The following GALNT13 variants were observed in gnomAD, a reference collection of about 807,000 sequenced individuals.
GALNT13 encodes UDP-GalNAc:polypeptide N-acetylgalactosaminyltransferase 13.
Under a neutral mutation model 64.2 loss-of-function variants are expected in GALNT13, and 28 were observed. That is an observed-to-expected ratio of 0.44 (90% CI 0.32 to 0.60). GALNT13 has a LOEUF of 0.60. GALNT13 is among the 20% of genes least tolerant of loss of function. The pLI, the probability that GALNT13 is intolerant of heterozygous loss-of-function variation, is 0.05. For synonymous variants in GALNT13, 214 were observed against 224.6 expected (o/e 0.95, Z 0.42); for missense variants, 577 against 669.8 (o/e 0.86, Z 1.53).
chr2:153,534,108 C>T, the GALNT13 span, among the ~76,000 whole-genome samples: 1 of 152,016 alleles, frequency 6.6e-6, no homozygotes, highest in Non-Finnish European at 1.5e-5. Context: ...CCTTTAGAAC[C>T]CTTAGCATAT....
At chr2:153,751,884 C>T in the GALNT13 span, among the ~76,000 whole-genome samples, 242 of 148,940 alleles carry the variant, frequency 1.6e-3, 1 homozygote, top group South Asian at 0.015. Context: ...ATTTGTTTTC[C>T]GGTTGACATG....
chr2:153,177,120 A>G, the GALNT13 span, among the ~76,000 whole-genome samples: 8 of 133,772 alleles, frequency 6.0e-5, no homozygotes, highest in African/African-American at 2.3e-4. Context: ...ATACAATAAA[A>G]TTACCTTGTA....
At chr2:153,290,008 A>G in the GALNT13 span, among the ~76,000 whole-genome samples, 1 of 152,198 alleles carries the variant, frequency 6.6e-6, no homozygotes, top group African/African-American at 2.4e-5. Flanking sequence ...TTACTTCTGC[A>G]AAGCTCAGTT....
the GALNT13 span, among the ~76,000 whole-genome samples, chr2:153,795,089 G>T: frequency 8.5e-5 from 13 of 152,312 alleles, no homozygotes; most frequent in Admixed American, 8.5e-4. Context: ...GAGGGTGGTT[G>T]TGAGTGCCCC....
In GALNT13 at chr2:153,935,449, A is replaced by G. The variant is rs556443859; in HGVS notation, c.-104-8945A>G. On this transcript the variant is annotated intron_variant, in intron 2 of 12. Transcript: ENST00000392825. ...ACATTGGTCTGATTAAGCATGTGTCATGTCACTGAAGAGTTGTAGCCTGGA... is the reference window on the plus strand; with the variant it reads ...ACATTGGTCTGATTAAGCATGTGTCGTGTCACTGAAGAGTTGTAGCCTGGA... Among the ~76,000 whole-genome samples the G allele has an allele frequency of 5.0e-4, 76 of 152,338 alleles. 1 individual carries two copies. The South Asian group carries it at 9.3e-3, about 19-fold the overall frequency.
At chr2:154,036,913 A>G (rs1304862984) in intron 3 of GALNT13, among the ~76,000 whole-genome samples, 1 of 152,162 alleles carries the variant, frequency 6.6e-6, no homozygotes, top group Non-Finnish European at 1.5e-5. Flanking sequence ...TATTTAAAAA[A>G]AATCTCCCCA....
At chr2:153,739,536 T>A in the GALNT13 span, among the ~76,000 whole-genome samples, 1 of 144,560 alleles carries the variant, frequency 6.9e-6, no homozygotes, top group Admixed American at 7.1e-5. Flanking sequence ...TATTATTTTT[T>A]AATGTATTTA....
the GALNT13 span, among the ~76,000 whole-genome samples, chr2:153,234,130 T>C: frequency 1.3e-5 from 2 of 152,192 alleles, no homozygotes; most frequent in Non-Finnish European, 2.9e-5. Flanking sequence ...ATGTCATTGA[T>C]TAAATTGCCT....
the GALNT13 span, among the ~76,000 whole-genome samples, chr2:153,149,204 T>C: frequency 4.6e-5 from 7 of 151,908 alleles, no homozygotes; most frequent in South Asian, 2.1e-4. Flanking sequence ...AATCATCACA[T>C]CAGCCCAGCA....
upstream of GALNT13, among the ~76,000 whole-genome samples, chr2:153,868,022 C>G (rs1009259948): frequency 6.6e-6 from 1 of 152,156 alleles, no homozygotes; most frequent in Non-Finnish European, 1.5e-5. Context: ...TGGGTTAGGA[C>G]ATACCTCAGC....
the GALNT13 span, among the ~76,000 whole-genome samples, chr2:153,311,858 G>T: frequency 2.0e-5 from 3 of 152,328 alleles, no homozygotes; most frequent in African/African-American, 7.2e-5. Flanking sequence ...GGGGGACCAT[G>T]TGACTACCAG....
chr2:154,080,359 G>T lies in GALNT13; in HGVS notation c.143-59978G>T, dbSNP rs75000193. Among the ~76,000 whole-genome samples, 1,130 of 151,664 alleles carry T rather than the reference G, an allele frequency of 7.5e-3. 6 individuals are homozygous for T. Among genetic ancestry groups the T allele is most frequent in the Middle Eastern group, 0.02 (6 of 294 alleles). On this transcript the variant is annotated intron_variant, in intron 3 of 12. Coordinates refer to ENST00000392825, the MANE Select transcript of GALNT13 (RefSeq NM_052917.4). ...AAGAAGGATTAAGTATTACCTTCAG[G>T]ACCAAAGAGTGGAAGTATTTTCTTT... is the stretch of plus-strand genomic sequence containing the variant.
chr2:153,531,639 T>C, the GALNT13 span, among the ~76,000 whole-genome samples: 1 of 152,130 alleles, frequency 6.6e-6, no homozygotes, highest in Non-Finnish European at 1.5e-5. Context: ...AACTCAAAAG[T>C]CCACAGTCCA....
At chr2:153,444,179 A>G in the GALNT13 span, among the ~76,000 whole-genome samples, 2 of 152,012 alleles carry the variant, frequency 1.3e-5, no homozygotes, top group African/African-American at 2.4e-5. Context: ...TTATCCATCC[A>G]TCCACTCACC....
At chr2:153,480,250 T>C in the GALNT13 span, among the ~76,000 whole-genome samples, 1 of 152,356 alleles carries the variant, frequency 6.6e-6, no homozygotes. Context: ...CTCTTATTTC[T>C]GTTTCTTAAA....
At chr2:154,112,729 G>T (rs1272574593) in intron 3 of GALNT13, among the ~76,000 whole-genome samples, 1 of 152,232 alleles carries the variant, frequency 6.6e-6, no homozygotes, top group Non-Finnish European at 1.5e-5. Flanking sequence ...CCTAGAAAGA[G>T]GCTGTAGTGT....
At chr2:153,449,983 A>G in the GALNT13 span, among the ~76,000 whole-genome samples, 11 of 152,344 alleles carry the variant, frequency 7.2e-5, no homozygotes, top group South Asian at 2.3e-3. Context: ...TATTCAAACA[A>G]TATAATCTGG....
chr2:153,146,281 C>T, the GALNT13 span, among the ~76,000 whole-genome samples: 1 of 151,510 alleles, frequency 6.6e-6, no homozygotes, highest in Non-Finnish European at 1.5e-5. Flanking sequence ...AACAACACAG[C>T]ATTATTCTTG....
chr2:153,579,736 C>T, the GALNT13 span, among the ~76,000 whole-genome samples: 1 of 152,112 alleles, frequency 6.6e-6, no homozygotes, highest in African/African-American at 2.4e-5. Flanking sequence ...AGCTCCACCT[C>T]TCATCAGCTC....
Sources: gnomAD v4.1 joint callset for allele counts (sites outside exome capture counted in the v4.1 genomes callset) on GRCh38, gnomAD v4.1.1 for gene constraint, MANE v1.5 for transcripts, NCBI Gene and HGNC (gene_info 2026-07-23, HGNC 2026-07-21) for gene names.